Variants in CFAP251 observed in about 807,000 individuals in gnomAD.
The protein encoded by CFAP251 is cilia- and flagella-associated protein 251.
A neutral mutation model predicts 126.7 loss-of-function variants in CFAP251; 93 were observed. The ratio of observed to expected loss-of-function variants is 0.73; its 90% CI spans 0.62 to 0.87. CFAP251 has a LOEUF of 0.87. Ranked by LOEUF, CFAP251 falls within the 40% of genes least tolerant of loss-of-function variation. The pLI is 0.00. For missense variants in CFAP251, 1,287 were observed against 1,389.2 expected (o/e 0.93, Z 1.17); for synonymous variants, 503 against 506.9 (o/e 0.99, Z 0.10).
At chr12:122,001,416 C>T in intron 20 of CFAP251, 81 bp from the exon 21 acceptor site, 1 of 1,253,570 alleles carries the variant, frequency 8.0e-7, no homozygotes, top group Non-Finnish European at 1.2e-6. Context: ...TCTTTAAGAC[C>T]TCTGAATAAT....
chr12:121,980,183 C>T (rs1882585159), intron 19 of CFAP251, among the ~76,000 whole-genome samples: 1 of 152,222 alleles, frequency 6.6e-6, no homozygotes, highest in Admixed American at 6.5e-5. Context: ...CGTGGGCACT[C>T]TCCTTCTTGG....
intron 19 of CFAP251, among the ~76,000 whole-genome samples, chr12:121,996,715 T>C (rs1460046271): frequency 6.6e-6 from 1 of 152,202 alleles, no homozygotes; most frequent in Non-Finnish European, 1.5e-5. Flanking sequence ...AAAGATCTCA[T>C]GGGCTTGGGC....
chr12:121,968,294 G>A, intron 17 of CFAP251, 125 bp downstream of exon 17: 1 of 943,108 alleles, frequency 1.1e-6, no homozygotes, highest in Non-Finnish European at 1.5e-6. Flanking sequence ...CTGGCCTTCA[G>A]GTTGCTCCCC....
At chr12:121,968,578 G>A (rs2135793489) in intron 17 of CFAP251, among the ~76,000 whole-genome samples, 1 of 152,314 alleles carries the variant, frequency 6.6e-6, no homozygotes, top group Middle Eastern at 3.4e-3. Flanking sequence ...TCTGCCTGAG[G>A]CGAGGCTGGA....
intron 19 of CFAP251, among the ~76,000 whole-genome samples, chr12:121,979,117 G>C (rs566811643): frequency 1.3e-5 from 2 of 152,186 alleles, no homozygotes; most frequent in Admixed American, 1.3e-4. Context: ...TGTTTTGTGT[G>C]CTCCAGGTAC....
chr12:122,003,586 C>T lies in CFAP251; in HGVS notation c.3338-66C>T, dbSNP rs144947431. ...AGGCCCTGTCTCAAACCCCTCCCCT[C>T]ACCCAAAAAAGAAAGAAACATAATC... is the stretch of plus-strand genomic sequence containing the variant. On this transcript the variant is annotated intron_variant, in intron 21 of 21. Transcript: ENST00000288912. 7.2e-3 allele frequency: 9,801 copies of T among 1,354,850 alleles called. 64 individuals carry two copies. The highest frequency in any genetic ancestry group is 0.02 in the Middle Eastern group (110 of 5,554). 83.9% of individuals were successfully genotyped at this position (1,354,850 alleles called of 1,614,324 possible).
intron 9 of CFAP251, chr12:121,952,607 T>C (rs1881573853): frequency 6.6e-6 from 1 of 152,138 alleles, no homozygotes; most frequent in Admixed American, 6.6e-5. Context: ...CAAGCTCTTG[T>C]GTCTGAGGTG....
intron 21 of CFAP251, among the ~76,000 whole-genome samples, chr12:122,002,584 G>C (rs947277134): frequency 1.3e-5 from 2 of 152,018 alleles, no homozygotes; most frequent in East Asian, 3.9e-4. Flanking sequence ...GAGAAGGAGA[G>C]AGCATCAACT....
In CFAP251 at chr12:121,931,760, G is replaced by GT; in HGVS notation, c.765dup (p.Gly256TrpfsTer54). The GT allele has an allele frequency of 1.3e-6, 2 of 1,579,984 alleles. No individual in the cohort carries two copies. The highest frequency in any genetic ancestry group is 1.7e-6 in the Non-Finnish European group (2 of 1,165,062). On this transcript the variant is annotated frameshift_variant, in exon 4 of 22. Transcript: ENST00000288912. LOFTEE classifies it high-confidence loss of function. Reference sequence around the variant, plus strand: ...TTGTCTTCCAGACCATGACCTGGTCGTTTGGATGGAACAGTTCTCTTCCTG... The same window carrying GT: ...TTGTCTTCCAGACCATGACCTGGTCGTTTTGGATGGAACAGTTCTCTTCCTG...
intron 1 of CFAP251, among the ~76,000 whole-genome samples, chr12:121,920,168 GA>G (rs1160836205): frequency 4.1e-4 from 30 of 72,538 alleles, no homozygotes; most frequent in African/African-American, 1.5e-3. Flanking sequence ...TGGGCAACAA[GA>G]ACAAAACTCT....
chr12:121,972,443 G>A (rs981355973), intron 17 of CFAP251, among the ~76,000 whole-genome samples: 1 of 152,094 alleles, frequency 6.6e-6, no homozygotes, highest in African/African-American at 2.4e-5. Context: ...AGAGATTTGT[G>A]GAACTTTGAA....
In CFAP251 at chr12:121,992,170, G is replaced by A. The variant is rs906966561; in HGVS notation, c.3007-7546G>A. ...CAGCTAGGACTCCTGCTTCTCTCAA[G>A]CCATCTTCACACGGGGGCGTTCAGA... On this transcript the variant is annotated intron_variant, in intron 19 of 21. Transcript: ENST00000288912. The A allele has an allele frequency of 5.1e-6, 5 of 983,204 alleles. No homozygotes were observed. The African/African-American group carries it at 5.2e-5, about 10-fold the overall frequency. 60.9% of individuals were successfully genotyped at this position (983,204 alleles called of 1,614,324 possible). A position where few individuals can be genotyped will look rare whatever the true frequency, so the allele number is the denominator to read the frequency against.
chr12:121,961,339 C>A (rs1431241249), intron 14 of CFAP251, among the ~76,000 whole-genome samples: 1 of 138,958 alleles, frequency 7.2e-6, no homozygotes, highest in Non-Finnish European at 1.5e-5. Context: ...TCTTTCTCTC[C>A]CCTTCCTTCC....
rs564468324 is a variant in CFAP251, at chr12:121,974,329, T to C, written c.2772-915T>C. On this transcript the variant is annotated intron_variant, in intron 17 of 21. Transcript: ENST00000288912. This position sits in a 1 kb window ranked among gnomAD's most constrained non-coding sequence, Gnocchi z 4.6. ...AAATTGCCCAGTCTCGGGTATGTTT[T>C]TATCAGCAGCATGAAAACAGACTAG... Among the ~76,000 whole-genome samples, 1 of 152,336 alleles carries C rather than the reference T, an allele frequency of 6.6e-6. No homozygotes were observed. Among genetic ancestry groups the C allele is most frequent in the South Asian group, 2.1e-4 (1 of 4,828 alleles).
rs917778469 is a variant in CFAP251 at position 121,989,379 on chromosome 12, G to A, written c.3007-10337G>A. Reference sequence around the variant, plus strand: ...CTTGGCTGCTGTCACCTGAGACTGCGTCCAGAGGGCAGAACTGTGCATGCA... The same window carrying A: ...CTTGGCTGCTGTCACCTGAGACTGCATCCAGAGGGCAGAACTGTGCATGCA... On this transcript the variant is annotated intron_variant, in intron 19 of 21. Transcript: ENST00000288912. This position sits in a 1 kb window ranked among gnomAD's most constrained non-coding sequence, Gnocchi z 4.2. Among the ~76,000 whole-genome samples the A allele has an allele frequency of 6.6e-6, 1 of 152,216 alleles. No individual in the cohort carries two copies. The highest frequency in any genetic ancestry group is 1.5e-5 in the Non-Finnish European group (1 of 68,038).
At chr12:121,956,917 T>TG (rs1881746037) in intron 10 of CFAP251, among the ~76,000 whole-genome samples, 157 bp from the exon 11 acceptor site, 1 of 152,240 alleles carries the variant, frequency 6.6e-6, no homozygotes, top group Non-Finnish European at 1.5e-5. Flanking sequence ...GTTTCCTAGA[T>TG]GTAAATTGGG....
chr12:121,919,659 G>A (rs568719837), intron 1 of CFAP251, among the ~76,000 whole-genome samples: 1 of 152,240 alleles, frequency 6.6e-6, no homozygotes, highest in South Asian at 2.1e-4. Context: ...GGGATTCAAT[G>A]CTAGGACAAG....
chr12:121,961,270 TCTCC>T (rs1039673502), intron 14 of CFAP251, among the ~76,000 whole-genome samples: 19 of 128,400 alleles, frequency 1.5e-4, no homozygotes, highest in Admixed American at 1.4e-3. Flanking sequence ...TCTCCCCCTC[TCTCC>T]CTCCCTCCCT....
intron 3 of CFAP251, among the ~76,000 whole-genome samples, chr12:121,926,412 C>T (rs531922390): frequency 3.3e-5 from 5 of 151,984 alleles, no homozygotes; most frequent in Admixed American, 6.6e-5. Context: ...CTGCAACCTC[C>T]GTCTCCTGGG....
Sources: gnomAD v4.1 joint callset for allele counts (sites outside exome capture counted in the v4.1 genomes callset) on GRCh38, gnomAD v4.1.1 for gene constraint, Gnocchi (gnomAD v3.1) non-coding constraint, MANE v1.5 for transcripts, NCBI Gene and HGNC (gene_info 2026-07-23, HGNC 2026-07-21) for gene names.